Variants in RANBP2 observed in about 807,000 individuals in gnomAD.
The protein encoded by RANBP2 is RAN binding protein 2.
A neutral mutation model predicts 303.6 loss-of-function variants in RANBP2; 57 were observed. The ratio of observed to expected loss-of-function variants is 0.19; its 90% CI spans 0.15 to 0.23. RANBP2 has a LOEUF of 0.23. Ranked by LOEUF, RANBP2 falls within the 10% of genes least tolerant of loss-of-function variation. The pLI is 1.00. For synonymous variants in RANBP2, 1,167 were observed against 1,301.5 expected (o/e 0.90, Z 2.23); for missense variants, 3,138 against 3,780.8 (o/e 0.83, Z 4.46).
the RANBP2 span, among the ~76,000 whole-genome samples, chr2:108,809,061 G>T: frequency 6.6e-6 from 1 of 152,122 alleles, no homozygotes; most frequent in Non-Finnish European, 1.5e-5. Flanking sequence ...TGCATGATTT[G>T]TTGAGGAGAC....
chr2:108,782,083 T>TTA, intron 26 of RANBP2, 45 bp from the exon 27 acceptor site: 1 of 1,591,542 alleles, frequency 6.3e-7, no homozygotes, highest in Admixed American at 1.8e-5. Flanking sequence ...GTCATGGAAT[T>TTA]TATTATAAGC....
chr2:109,327,352 C>G, the RANBP2 span, among the ~76,000 whole-genome samples: 1 of 152,308 alleles, frequency 6.6e-6, no homozygotes, highest in East Asian at 1.9e-4. Context: ...TGTGTCTGGA[C>G]CCTCCCTTCA....
the RANBP2 span, among the ~76,000 whole-genome samples, chr2:108,959,037 C>T: frequency 6.6e-6 from 1 of 152,228 alleles, no homozygotes; most frequent in African/African-American, 2.4e-5. Flanking sequence ...ACACTGTGCT[C>T]CCAAAATCAT....
chr2:109,062,024 C>T, the RANBP2 span, among the ~76,000 whole-genome samples: 8 of 152,236 alleles, frequency 5.3e-5, no homozygotes, highest in East Asian at 9.7e-4. Context: ...CCTCCAGCCC[C>T]GAAAGTCTGG....
the RANBP2 span, among the ~76,000 whole-genome samples, chr2:109,559,910 CCTTT>C: frequency 2.3e-5 from 3 of 132,420 alleles, no homozygotes; most frequent in Admixed American, 8.0e-5. Context: ...CCAACCAATG[CCTTT>C]TTTTTTTTTT....
chr2:109,579,345 C>T, the RANBP2 span, among the ~76,000 whole-genome samples: 1 of 151,130 alleles, frequency 6.6e-6, no homozygotes, highest in African/African-American at 2.4e-5. Flanking sequence ...ATCAAATATT[C>T]CAGGGAAAAA....
At chr2:108,881,728 A>G in the RANBP2 span, among the ~76,000 whole-genome samples, 41 of 152,210 alleles carry the variant, frequency 2.7e-4, no homozygotes, top group African/African-American at 9.9e-4. Context: ...AGATCCAAGG[A>G]GAGGGAGAGA....
At chr2:109,683,165 C>G in the RANBP2 span, among the ~76,000 whole-genome samples, 9 of 152,208 alleles carry the variant, frequency 5.9e-5, no homozygotes, top group African/African-American at 2.2e-4. Context: ...GCCACCAGGC[C>G]CAGCTAATTT....
chr2:108,829,571 C>T, the RANBP2 span, among the ~76,000 whole-genome samples: 3 of 152,208 alleles, frequency 2.0e-5, no homozygotes, highest in Non-Finnish European at 2.9e-5. Context: ...CATGGGGGAA[C>T]CCCATCTTTA....
At chr2:109,501,529 C>T in the RANBP2 span, 1 of 779,158 alleles carries the variant, frequency 1.3e-6, no homozygotes, top group African/African-American at 1.7e-5. Flanking sequence ...TCGTACCCAC[C>T]CCAGAGTGAG....
the RANBP2 span, among the ~76,000 whole-genome samples, chr2:108,859,599 A>C: frequency 2.6e-5 from 4 of 151,920 alleles, no homozygotes. Flanking sequence ...TTTGTTGAAA[A>C]TCAGTTGGTT....
intron 19 of RANBP2, among the ~76,000 whole-genome samples, chr2:108,762,933 T>C (rs1676837751): frequency 6.6e-6 from 1 of 152,180 alleles, no homozygotes; most frequent in Non-Finnish European, 1.5e-5. Flanking sequence ...CAAGTATATA[T>C]GCAAGTATCT....
the RANBP2 span, among the ~76,000 whole-genome samples, chr2:109,626,833 C>A: frequency 6.6e-6 from 1 of 152,224 alleles, no homozygotes. Flanking sequence ...CTCCTGCAGG[C>A]AAGCTGGCAA....
At chr2:108,960,502 G>A in the RANBP2 span, among the ~76,000 whole-genome samples, 1 of 152,226 alleles carries the variant, frequency 6.6e-6, no homozygotes, top group Non-Finnish European at 1.5e-5. Context: ...GGCATGAGGA[G>A]CCAGGGCAGG....
At chr2:109,650,979 G>T in the RANBP2 span, among the ~76,000 whole-genome samples, 1 of 152,188 alleles carries the variant, frequency 6.6e-6, no homozygotes, top group Non-Finnish European at 1.5e-5. Context: ...GTGGTGCAGG[G>T]CAGAGAGTGG....
chr2:109,264,855 T>C, the RANBP2 span, among the ~76,000 whole-genome samples: 1 of 152,242 alleles, frequency 6.6e-6, no homozygotes. Context: ...TTCCACTTCC[T>C]GTTGGACAGA....
At chr2:108,827,197 T>C in the RANBP2 span, among the ~76,000 whole-genome samples, 7 of 152,148 alleles carry the variant, frequency 4.6e-5, no homozygotes, top group Non-Finnish European at 1.0e-4. Context: ...TTCATCACTT[T>C]AAAATAATAA....
At chr2:109,169,459 G>A in the RANBP2 span, among the ~76,000 whole-genome samples, 2 of 152,076 alleles carry the variant, frequency 1.3e-5, no homozygotes, top group African/African-American at 2.4e-5. Flanking sequence ...GGAGGGTGTT[G>A]AATTGTCGGG....
chr2:108,756,043 G>A (rs1676292398), intron 17 of RANBP2, among the ~76,000 whole-genome samples: 1 of 152,054 alleles, frequency 6.6e-6, no homozygotes, highest in Admixed American at 6.6e-5. Flanking sequence ...ATTTTTGAAA[G>A]TACTTTATGT....
Sources: allele counts gnomAD v4.1 joint callset (sites outside exome capture counted in the v4.1 genomes callset), GRCh38; gene constraint gnomAD v4.1.1; transcripts MANE v1.5; gene names NCBI Gene and HGNC (gene_info 2026-07-23, HGNC 2026-07-21).